The following CBL variants were observed in gnomAD, a reference collection of about 807,000 sequenced individuals.
The protein encoded by CBL is Cbl proto-oncogene.
Under a neutral mutation model 96.9 loss-of-function variants are expected in CBL, and 45 were observed. The ratio of observed to expected loss-of-function variants is 0.46; its 90% confidence interval spans 0.37 to 0.60. The LOEUF is 0.60. Ranked by LOEUF, CBL falls within the 20% of genes least tolerant of loss-of-function variation. CBL has a pLI of 0.00. For synonymous variants in CBL, 420 were observed against 426.8 expected (o/e 0.98, Z 0.20); for missense variants, 1,024 against 1,143.5 (o/e 0.90, Z 1.51).
chr11:119,270,436 A>ATAT lies in CBL; in HGVS notation c.444-1298_444-1297insATT, dbSNP rs1565870008. 4.9e-4 allele frequency among the ~76,000 whole-genome samples: 19 copies of ATAT among 38,662 alleles called. 1 individual carries two copies. Among genetic ancestry groups the ATAT allele is most frequent in the South Asian group, 1.0e-3 (1 of 978 alleles). 25.4% of individuals were successfully genotyped at this position (38,662 alleles called of 152,430 possible). On this transcript the variant is annotated intron_variant, in intron 2 of 15. Transcript: ENST00000264033. ...AATTTTTATATATATATATATATAT[A>ATAT]TTTTTTTTTTTTTTTTTTTTTTTTT... is the stretch of plus-strand genomic sequence containing the variant.
At position 119,302,370 on chromosome 11, in the gene CBL, T is replaced by C. The variant is rs1226109740; in HGVS notation, c.*2589T>C. 8.6e-6 allele frequency: 2 copies of C among 232,762 alleles called. No homozygotes were observed. Among genetic ancestry groups the C allele is most frequent in the East Asian group, 6.0e-5 (1 of 16,544 alleles). The allele number at this position is 232,762 out of a possible 1,614,324, so 14.4% of individuals were successfully genotyped here. The stretch of plus-strand genomic sequence containing the variant: ...AAACCTTAATTTCTTATATTTTCTG[T>C]TGACTAAGGCACCAGTAACCCATTC... On this transcript the variant is annotated 3_prime_UTR_variant, in exon 16 of 16. Transcript: ENST00000264033.
intron 3 of CBL, among the ~76,000 whole-genome samples, chr11:119,273,004 A>G (rs2135298084): frequency 6.8e-6 from 1 of 148,054 alleles, no homozygotes; most frequent in South Asian, 2.1e-4. Flanking sequence ...TTGAGACAGG[A>G]TGTCACTCTC....
At chr11:119,249,933 T>G (rs1270756422) in intron 2 of CBL, among the ~76,000 whole-genome samples, 1 of 152,194 alleles carries the variant, frequency 6.6e-6, no homozygotes, top group Non-Finnish European at 1.5e-5. Context: ...GCTGGGATTT[T>G]AGATGTGAGC....
chr11:119,283,077 A>C (rs1004087675), intron 9 of CBL, among the ~76,000 whole-genome samples: 2 of 152,242 alleles, frequency 1.3e-5, no homozygotes, highest in Non-Finnish European at 2.9e-5. Flanking sequence ...CCTGGGCTAC[A>C]GAGCAAGACC....
chr11:119,273,988 G>A lies in CBL; in HGVS notation c.711G>A (p.Ser237=), dbSNP rs146662327. ...ATCTGACCTGCAATGATTATATTTC[G>A]GTTTTTGAATTTGACATCTTTACCC... ...TIDLTCNDYI[S]VFEFDIFTRL... The change falls in exon 4 of 16, where the codon TCG becomes TCA. Residue 237 remains serine (S), a synonymous_variant. Coordinates refer to ENST00000264033, the MANE Select transcript of CBL (RefSeq NM_005188.4). 2.4e-5 allele frequency: 39 copies of A among 1,613,850 alleles called. No homozygotes were observed. The highest frequency in any genetic ancestry group is 3.3e-4 in the Middle Eastern group (2 of 6,060).
At chr11:119,283,576 T>G (rs1949954370) in intron 9 of CBL, among the ~76,000 whole-genome samples, 1 of 150,726 alleles carries the variant, frequency 6.6e-6, no homozygotes, top group African/African-American at 2.4e-5. Flanking sequence ...TGGTACCTCA[T>G]TTTTTAGAGC....
chr11:119,282,626 G>T (rs1333191359), intron 9 of CBL, among the ~76,000 whole-genome samples: 1 of 152,190 alleles, frequency 6.6e-6, no homozygotes, highest in Non-Finnish European at 1.5e-5. Flanking sequence ...AGATTAGAAA[G>T]ACTTGTGAAA....
intron 2 of CBL, among the ~76,000 whole-genome samples, chr11:119,241,973 T>C (rs1949589633): frequency 6.6e-6 from 1 of 152,194 alleles, no homozygotes; most frequent in Non-Finnish European, 1.5e-5. Flanking sequence ...CACTGAACTT[T>C]TGAACAGGTG....
chr11:119,286,611 AAG>A (rs1949986484), intron 11 of CBL, among the ~76,000 whole-genome samples: 1 of 152,206 alleles, frequency 6.6e-6, no homozygotes, highest in South Asian at 2.1e-4. Flanking sequence ...CAGTAGGAGA[AAG>A]AACTGGAAAG....
rs183663256 is a variant in CBL at position 119,251,611 on chromosome 11, G to T, written c.443+18916G>T. Among the ~76,000 whole-genome samples the T allele has an allele frequency of 2.4e-3, 370 of 152,250 alleles. 1 individual carries two copies. The highest frequency in any genetic ancestry group is 8.3e-3 in the African/African-American group (346 of 41,534). On this transcript the variant is annotated intron_variant, in intron 2 of 15. Transcript: ENST00000264033. The stretch of plus-strand genomic sequence containing the variant: ...TGGACACAAAAATATTCAGTAGTGT[G>T]ATTTACAGCAGGATTATATGTTCAC...
At chr11:119,226,573 T>C (rs1278305613) in intron 1 of CBL, among the ~76,000 whole-genome samples, 2 of 152,092 alleles carry the variant, frequency 1.3e-5, no homozygotes, top group Non-Finnish European at 2.9e-5. Flanking sequence ...TTCTCTTGCC[T>C]CAGCCTCCTG....
intron 2 of CBL, among the ~76,000 whole-genome samples, chr11:119,247,927 G>A (rs1346701867): frequency 6.6e-6 from 1 of 152,094 alleles, no homozygotes; most frequent in Non-Finnish European, 1.5e-5. Flanking sequence ...AATTAAGGAG[G>A]CAAAAGACTT....
intron 9 of CBL, 44 bp from the exon 10 acceptor site, chr11:119,284,925 T>G (rs1949968518): frequency 1.2e-6 from 2 of 1,611,944 alleles, no homozygotes; most frequent in Admixed American, 3.3e-5. Flanking sequence ...AAGATGCCAT[T>G]TCCCCAAACG....
chr11:119,244,581 A>ATTTTTTTTTTTTGTTTTTTTTT (rs1949611041), intron 2 of CBL, among the ~76,000 whole-genome samples: 1 of 104,404 alleles, frequency 9.6e-6, no homozygotes, highest in Non-Finnish European at 1.9e-5. Flanking sequence ...TGCCCGGCTA[A>ATTTTTTTTTTTTGTTTTTTTTT]TTTTTTTTTT....
intron 2 of CBL, among the ~76,000 whole-genome samples, chr11:119,243,290 A>G (rs1949601176): frequency 6.6e-6 from 1 of 152,084 alleles, no homozygotes; most frequent in African/African-American, 2.4e-5. Context: ...AAAGAAGATA[A>G]GACTTAGAAT....
intron 2 of CBL, among the ~76,000 whole-genome samples, chr11:119,238,225 T>A (rs1201827304): frequency 6.9e-6 from 1 of 145,672 alleles, no homozygotes; most frequent in Admixed American, 6.9e-5. Flanking sequence ...CAAATACAAT[T>A]TTTTTTTTTT....
intron 1 of CBL, among the ~76,000 whole-genome samples, chr11:119,216,788 C>T (rs1230641742): frequency 6.6e-6 from 1 of 152,112 alleles, no homozygotes; most frequent in Non-Finnish European, 1.5e-5. Context: ...TACCCCCATA[C>T]CCCCAAATAA....
intron 1 of CBL, 87 bp downstream of exon 1, chr11:119,206,699 G>T: frequency 7.2e-7 from 1 of 1,394,560 alleles, no homozygotes; most frequent in East Asian, 2.7e-5. Context: ...GAGGAAGCGG[G>T]GGAGGGGACG....
At chr11:119,232,763 G>A (rs1949514086) in intron 2 of CBL, 68 bp downstream of exon 2, 2 of 1,455,372 alleles carry the variant, frequency 1.4e-6, no homozygotes, top group African/African-American at 2.8e-5. Flanking sequence ...ACACATAGAA[G>A]TAGTTGAGTT....
Sources: allele counts gnomAD v4.1 joint callset (sites outside exome capture counted in the v4.1 genomes callset), GRCh38; gene constraint gnomAD v4.1.1; transcripts MANE v1.5; gene names NCBI Gene and HGNC (gene_info 2026-07-23, HGNC 2026-07-21).